PBRM1: variants seen among roughly 807,000 people sequenced by gnomAD.
PBRM1 encodes the protein polybromo 1.
A neutral mutation model predicts 194.5 loss-of-function variants in PBRM1; 27 were observed. That is an observed-to-expected ratio of 0.14 (90% CI 0.10 to 0.19). PBRM1 has a LOEUF of 0.19. PBRM1 is among the 10% of genes least tolerant of loss of function. PBRM1 has a pLI of 1.00. For synonymous variants in PBRM1, 655 were observed against 693.2 expected (o/e 0.94, Z 0.87); for missense variants, 1,466 against 2,077.2 (o/e 0.71, Z 5.72).
At chr3:52,670,950 C>G (rs2096934213) in intron 2 of PBRM1, among the ~76,000 whole-genome samples, 2 of 152,202 alleles carry the variant, frequency 1.3e-5, no homozygotes, top group African/African-American at 4.8e-5. Context: ...AATACGAGAG[C>G]TGAAGTGTGT....
intron 7 of PBRM1, among the ~76,000 whole-genome samples, chr3:52,645,371 C>T (rs769741340): frequency 6.6e-5 from 10 of 150,912 alleles, no homozygotes; most frequent in Non-Finnish European, 1.2e-4. Context: ...CCATGTAGAC[C>T]GGGCTGGTCT....
At chr3:52,563,207 CACTTT>C (rs2084124617) in intron 24 of PBRM1, 71 bp downstream of exon 26, 8 of 1,046,610 alleles carry the variant, frequency 7.6e-6, no homozygotes, top group Non-Finnish European at 1.1e-5. Context: ...GGCTGGATGT[CACTTT>C]ACTTTGGTTT....
chr3:52,675,972 G>C lies in PBRM1; in HGVS notation c.236+2528C>G, dbSNP rs373048805. Among the ~76,000 whole-genome samples, 20 of 99,312 alleles carry C rather than the reference G, an allele frequency of 2.0e-4. 5 individuals carry two copies. Among genetic ancestry groups the C allele is most frequent in the East Asian group, 1.7e-3 (6 of 3,600 alleles). 65.2% of individuals were successfully genotyped at this position (99,312 alleles called of 152,430 possible). On this transcript the variant is annotated intron_variant, in intron 2 of 29. Transcript: ENST00000296302. ...CTACTAAAAATACAAAAAATTAGCC[G>C]GGCGTAGTGGCGGGCGCCTGTAGTC...
At chr3:52,637,875 G>A (rs966529793) in intron 10 of PBRM1, among the ~76,000 whole-genome samples, 1 of 151,356 alleles carries the variant, frequency 6.6e-6, no homozygotes, top group Non-Finnish European at 1.5e-5. Context: ...GAACCTGGGA[G>A]GCAGAGGTTG....
At chr3:52,633,400 C>T (rs1291585264) in intron 11 of PBRM1, among the ~76,000 whole-genome samples, 2 of 152,064 alleles carry the variant, frequency 1.3e-5, no homozygotes, top group African/African-American at 2.4e-5. Context: ...CACCATTTTG[C>T]GTATCCCCTC....
intron 4 of PBRM1, among the ~76,000 whole-genome samples, chr3:52,659,456 C>G (rs556251707): frequency 1.8e-4 from 27 of 152,250 alleles, no homozygotes; most frequent in Non-Finnish European, 5.9e-5. Context: ...CCTCCCCACT[C>G]TGTTGCCCAG....
At chr3:52,663,408 T>C (rs185314525) in intron 3 of PBRM1, among the ~76,000 whole-genome samples, 1 of 152,302 alleles carries the variant, frequency 6.6e-6, no homozygotes, top group East Asian at 1.9e-4. Context: ...AATTCATGCC[T>C]ATCTCAAACC....
In PBRM1 at chr3:52,662,305, A is replaced by C. The variant is rs1266297228; in HGVS notation, c.385-29T>G. The C allele has an allele frequency of 2.6e-6, 4 of 1,562,734 alleles. No individual in the cohort carries two copies. The African/African-American group carries it at 4.2e-5, about 16-fold the overall frequency. ...TATGTTAGCAAAGAGAAAAAAAAAAACACTTTAGTAATGTATTGGAAATTA... is the reference window on the plus strand; with the variant it reads ...TATGTTAGCAAAGAGAAAAAAAAAACCACTTTAGTAATGTATTGGAAATTA... On this transcript the variant is annotated intron_variant, in intron 3 of 29. Transcript: ENST00000296302.
exon 18 of PBRM1, chr3:52,589,203 A>T: frequency 6.3e-7 from 1 of 1,591,194 alleles, no homozygotes; most frequent in Non-Finnish European, 8.5e-7. Context: ...TGTATGTGCG[A>T]TGTAAGCCTG....
intron 20 of PBRM1, among the ~76,000 whole-genome samples, chr3:52,583,706 AATG>A (rs2091855447): frequency 1.3e-5 from 2 of 152,176 alleles, no homozygotes; most frequent in Admixed American, 1.3e-4. Context: ...AAATCAATAA[AATG>A]ATCAATGGTT....
chr3:52,624,114 T>A (rs1335202370), intron 13 of PBRM1, among the ~76,000 whole-genome samples: 1 of 152,202 alleles, frequency 6.6e-6, no homozygotes, highest in Non-Finnish European at 1.5e-5. Flanking sequence ...TGGGCAATCA[T>A]GCAATGATCC....
intron 19 of PBRM1, 62 bp from the exon 22 acceptor site, chr3:52,586,750 A>G: frequency 1.4e-6 from 1 of 718,096 alleles, no homozygotes; most frequent in Non-Finnish European, 2.0e-6. Flanking sequence ...AAATCAATCA[A>G]AAAAAAAAAA....
chr3:52,610,948 A>G (rs138127554), intron 15 of PBRM1, among the ~76,000 whole-genome samples: 68 of 152,316 alleles, frequency 4.5e-4, no homozygotes, highest in African/African-American at 1.5e-3. Flanking sequence ...CAAAAAAACA[A>G]AACAAAAAGA....
At chr3:52,600,015 T>C (rs1270114843) in intron 17 of PBRM1, among the ~76,000 whole-genome samples, 2 of 152,124 alleles carry the variant, frequency 1.3e-5, no homozygotes, top group Non-Finnish European at 2.9e-5. Flanking sequence ...TTAATTACAA[T>C]CACAATTTTT....
chr3:52,636,690 G>A (rs929402397), intron 10 of PBRM1, among the ~76,000 whole-genome samples: 1 of 137,326 alleles, frequency 7.3e-6, no homozygotes, highest in Non-Finnish European at 1.5e-5. Context: ...CCAGAAGGCG[G>A]AGATTGTAGT....
At chr3:52,671,358 A>C (rs2096944518) in intron 2 of PBRM1, among the ~76,000 whole-genome samples, 1 of 152,252 alleles carries the variant, frequency 6.6e-6, no homozygotes, top group Admixed American at 6.5e-5. Flanking sequence ...ACAGTGGTCC[A>C]GCACCCAAGG....
chr3:52,630,245 T>C (rs1273646961), intron 11 of PBRM1, among the ~76,000 whole-genome samples: 1 of 150,856 alleles, frequency 6.6e-6, no homozygotes, highest in African/African-American at 2.5e-5. Flanking sequence ...CAAATCCCAG[T>C]ACAGCAGAAG....
intron 25 of PBRM1, among the ~76,000 whole-genome samples, chr3:52,559,262 T>C (rs1032068854): frequency 6.6e-6 from 1 of 152,136 alleles, no homozygotes; most frequent in African/African-American, 2.4e-5. Context: ...TTCTGGGCCG[T>C]AGAATACATC....
chr3:52,675,554 G>C (rs1432846183), intron 2 of PBRM1, among the ~76,000 whole-genome samples: 2 of 152,232 alleles, frequency 1.3e-5, no homozygotes, highest in Non-Finnish European at 2.9e-5. Context: ...AGGTGTTGAA[G>C]TGGTGAAAGT....
Sources: gnomAD v4.1 joint callset for allele counts (sites outside exome capture counted in the v4.1 genomes callset) on GRCh38, gnomAD v4.1.1 for gene constraint, MANE v1.5 for transcripts, NCBI Gene and HGNC (gene_info 2026-07-23, HGNC 2026-07-21) for gene names.